The following SLC28A1 variants were observed in gnomAD, a reference collection of about 807,000 sequenced individuals.
SLC28A1 encodes sodium/nucleoside cotransporter 1.
A neutral mutation model predicts 74.8 loss-of-function variants in SLC28A1; 64 were observed. That is an observed-to-expected ratio of 0.86 (90% CI 0.70 to 1.05). The LOEUF is 1.05. Among genes scored for constraint, SLC28A1 ranks in the 50% least tolerant of loss-of-function variants. The pLI, the probability that SLC28A1 is intolerant of heterozygous loss-of-function variation, is 0.00. For synonymous variants in SLC28A1, 359 were observed against 335.0 expected (o/e 1.07, Z -0.78); for missense variants, 828 against 822.8 (o/e 1.01, Z -0.08).
chr15:84,936,897 T>G (rs1174695979), intron 15 of SLC28A1, among the ~76,000 whole-genome samples: 1 of 151,870 alleles, frequency 6.6e-6, no homozygotes, highest in Non-Finnish European at 1.5e-5. Flanking sequence ...TACTAAAAAT[T>G]TTAAAAATTG....
At chr15:84,925,374 G>A (rs568742411) in intron 12 of SLC28A1, among the ~76,000 whole-genome samples, 23 of 152,112 alleles carry the variant, frequency 1.5e-4, no homozygotes, top group African/African-American at 5.5e-4. Context: ...CAAGGCGGGT[G>A]GATCATCTGA....
chr15:84,890,786 C>G (rs1567116390), intron 5 of SLC28A1, among the ~76,000 whole-genome samples: 1 of 152,096 alleles, frequency 6.6e-6, no homozygotes, highest in Non-Finnish European at 1.5e-5. Context: ...CTGGGAACAC[C>G]AAGGAGGAAT....
At chr15:84,957,416 G>A in the SLC28A1 span, among the ~76,000 whole-genome samples, 3 of 152,132 alleles carry the variant, frequency 2.0e-5, no homozygotes, top group Admixed American at 1.3e-4. Context: ...ACAGGCGAAC[G>A]CCACCACGCC....
the SLC28A1 span, among the ~76,000 whole-genome samples, chr15:84,955,107 A>G: frequency 3.2e-4 from 49 of 152,180 alleles, no homozygotes; most frequent in Non-Finnish European, 5.4e-4. Context: ...CAACTGTCCC[A>G]GCTGAGCCCA....
At chr15:84,961,181 C>G in the SLC28A1 span, among the ~76,000 whole-genome samples, 1 of 152,104 alleles carries the variant, frequency 6.6e-6, no homozygotes, top group African/African-American at 2.4e-5. Flanking sequence ...AATGCAAGGC[C>G]GTGCTCTGAA....
intron 8 of SLC28A1, among the ~76,000 whole-genome samples, chr15:84,907,008 A>G (rs1967359516): frequency 6.6e-6 from 1 of 152,248 alleles, no homozygotes; most frequent in Non-Finnish European, 1.5e-5. Context: ...TTATAGACAG[A>G]GAAAGGCTGA....
In SLC28A1 at chr15:84,921,026, C is replaced by T. The variant is rs749165679; in HGVS notation, c.914C>T (p.Ala305Val). The change falls in exon 11 of 19, where the codon GCC becomes GTC. Residue 305 changes from alanine (A) to valine (V), a missense_variant. Physicochemically the swap from Ala to Val is moderately conservative, Grantham distance 64. Coordinates refer to ENST00000394573, the MANE Select transcript of SLC28A1 (RefSeq NM_004213.5). The part of the protein sequence containing the change: ...WLMQVTMGTT[A>V]TETLSVAGNI... ...ATGCAAGTCACCATGGGCACCACAG[C>T]CACTGAGACCCTGAGTGTGGCTGGA... 1.9e-6 allele frequency: 3 copies of T among 1,614,070 alleles called. No homozygotes were observed. In the Admixed American group the frequency reaches 5.0e-5, roughly 27 times the overall value.
the SLC28A1 span, among the ~76,000 whole-genome samples, chr15:84,969,400 G>A: frequency 6.6e-6 from 1 of 152,212 alleles, no homozygotes; most frequent in African/African-American, 2.4e-5. Flanking sequence ...AGAAGCCTGT[G>A]TGAACTCAGC....
At chr15:84,920,291 C>G (rs1969646140) in intron 10 of SLC28A1, among the ~76,000 whole-genome samples, 1 of 152,146 alleles carries the variant, frequency 6.6e-6, no homozygotes. Context: ...ACTAAAAATA[C>G]AAAAATTAGC....
At chr15:84,893,705 G>A (rs75070934) in intron 5 of SLC28A1, among the ~76,000 whole-genome samples, 3,273 of 152,186 alleles carry the variant, frequency 0.022, 119 homozygotes, top group African/African-American at 0.073. Context: ...CTGGTCTCCC[G>A]CCTCTCTTCT....
At chr15:84,926,847 G>A (rs1970581982) in intron 12 of SLC28A1, among the ~76,000 whole-genome samples, 1 of 151,426 alleles carries the variant, frequency 6.6e-6, no homozygotes, top group African/African-American at 2.4e-5. Flanking sequence ...GACCTACATT[G>A]TCCCCTTCTT....
rs376375255 is a variant in SLC28A1, at chr15:84,923,231, C to A, written c.958-754C>A. Among the ~76,000 whole-genome samples, 12 of 152,324 alleles carry A rather than the reference C, an allele frequency of 7.9e-5. No homozygotes were observed. The East Asian group carries it at 1.7e-3, about 22-fold the overall frequency. On this transcript the variant is annotated intron_variant, in intron 11 of 18. Transcript: ENST00000394573. ...GGGATTGCAGGCGTGAGCCACTGTG[C>A]CTGGCCTACTCAGTTTTAAACACCC...
chr15:84,943,460 C>T lies in SLC28A1; in HGVS notation c.1597C>T (p.Leu533Phe). 6.2e-7 allele frequency: 1 copy of T among 1,613,982 alleles called. No individual in the cohort carries two copies. Among genetic ancestry groups the T allele is most frequent in the Non-Finnish European group, 8.5e-7 (1 of 1,179,880 alleles). The stretch of plus-strand genomic sequence containing the variant: ...GTATTTTCAGGTCAGAGCTGAAGTC[C>T]TCACGACGTTTGCCCTCTGTGGATT... The part of the protein sequence containing the change: ...KQWISVRAEV[L>F]TTFALCGFAN... Residue 533 changes from leucine to phenylalanine, a missense_variant, in exon 16 of 19, where the codon CTC becomes TTC. Leu to Phe is a conservative substitution (Grantham distance 22). Transcript: ENST00000394573.
intron 9 of SLC28A1, among the ~76,000 whole-genome samples, chr15:84,913,550 C>G (rs1162933955): frequency 5.3e-5 from 8 of 152,246 alleles, no homozygotes; most frequent in Admixed American, 4.6e-4. Flanking sequence ...TCAGGCCCCA[C>G]TGTAGACCTA....
chr15:84,921,971 T>A (rs900297036), intron 11 of SLC28A1, among the ~76,000 whole-genome samples: 2 of 152,218 alleles, frequency 1.3e-5, no homozygotes, highest in African/African-American at 4.8e-5. Context: ...CATTGGGCGA[T>A]GTGAAGCGCT....
At chr15:84,901,611 G>C (rs919832677) in intron 6 of SLC28A1, among the ~76,000 whole-genome samples, 2 of 152,182 alleles carry the variant, frequency 1.3e-5, no homozygotes, top group African/African-American at 4.8e-5. Flanking sequence ...TACATGGTAA[G>C]ATGCTCAACA....
At chr15:84,908,592 C>CT (rs1046285607) in intron 8 of SLC28A1, 126 bp from the exon 9 acceptor site, 1 of 768,676 alleles carries the variant, frequency 1.3e-6, no homozygotes, top group Non-Finnish European at 2.3e-6. Flanking sequence ...GTGGTGCCCC[C>CT]CCCCGGATAA....
the SLC28A1 span, among the ~76,000 whole-genome samples, chr15:84,970,070 G>C: frequency 6.6e-6 from 1 of 152,158 alleles, no homozygotes; most frequent in Non-Finnish European, 1.5e-5. Context: ...ATGGTTCTAG[G>C]GTTGGTGAAT....
the SLC28A1 span, among the ~76,000 whole-genome samples, chr15:84,964,282 TGGAAGGAA>T: frequency 1.8e-4 from 26 of 144,486 alleles, no homozygotes; most frequent in Admixed American, 9.7e-4. Context: ...GAAGGAAGGA[TGGAAGGAA>T]GGAGGGAAGG....
Sources: gnomAD v4.1 joint callset for allele counts (sites outside exome capture counted in the v4.1 genomes callset) on GRCh38, gnomAD v4.1.1 for gene constraint, MANE v1.5 for transcripts, NCBI Gene and HGNC (gene_info 2026-07-23, HGNC 2026-07-21) for gene names.